TGFBR2: variants seen among roughly 807,000 people sequenced by gnomAD.
TGFBR2 encodes the protein TGF-beta receptor type-2.
Under a neutral mutation model 49.0 loss-of-function variants are expected in TGFBR2, and 18 were observed. That is an observed-to-expected ratio of 0.37 (90% CI 0.25 to 0.54). The LOEUF is 0.54. Among genes scored for constraint, TGFBR2 ranks in the 20% least tolerant of loss-of-function variants. The pLI, the probability that TGFBR2 is intolerant of heterozygous loss-of-function variation, is 0.85. For missense variants in TGFBR2, 525 were observed against 722.6 expected (o/e 0.73, Z 3.13); for synonymous variants, 282 against 275.9 (o/e 1.02, Z -0.22).
chr3:30,684,913 T>C (rs180874125), intron 5 of TGFBR2, among the ~76,000 whole-genome samples: 1 of 152,278 alleles, frequency 6.6e-6, no homozygotes, highest in East Asian at 1.9e-4. Context: ...ATCCACAGAG[T>C]ACCTATAAAA....
Position 30,672,284 on chromosome 3 carries a change from A to G in TGFBR2, c.1101A>G (p.Pro367=), listed in dbSNP as rs375165766. ...CTCACCTCCACAGTGATCACACTCCATGTGGGAGGCCCAAGATGCCCATCG... is the reference window on the plus strand; with the variant it reads ...CTCACCTCCACAGTGATCACACTCCGTGTGGGAGGCCCAAGATGCCCATCG... The part of the protein sequence containing the change: ...GIAHLHSDHT[P]CGRPKMPIVH... Residue 367 remains proline (P), a synonymous_variant, in exon 4 of 7, where the codon CCA becomes CCG. Transcript: ENST00000295754. The surrounding 1 kb of genome is among the most constrained non-coding windows in gnomAD (Gnocchi z 4.5). 6.2e-7 allele frequency: 1 copy of G among 1,605,612 alleles called. No homozygotes were observed. The highest frequency in any genetic ancestry group is 1.3e-5 in the African/African-American group (1 of 74,828).
chr3:30,678,701 C>T (rs769374836), intron 5 of TGFBR2, among the ~76,000 whole-genome samples: 1 of 152,150 alleles, frequency 6.6e-6, no homozygotes, highest in Admixed American at 6.5e-5. Flanking sequence ...TTGGATTTCT[C>T]GGGATGACTG....
At chr3:30,670,083 T>C (rs1575156789) in intron 3 of TGFBR2, among the ~76,000 whole-genome samples, 1 of 152,210 alleles carries the variant, frequency 6.6e-6, no homozygotes, top group South Asian at 2.1e-4. Flanking sequence ...CCTACCCATT[T>C]TTTTCCTTTC....
At position 30,650,251 on chromosome 3, in the gene TGFBR2, A is replaced by G; in HGVS notation, c.264-19A>G. 1.9e-6 allele frequency: 3 copies of G among 1,612,924 alleles called. No homozygotes were observed. The highest frequency in any genetic ancestry group is 1.7e-6 in the Non-Finnish European group (2 of 1,179,040). On this transcript the variant is annotated intron_variant, in intron 2 of 6. Transcript: ENST00000295754. ...CTCTCTCCCTCTCCCCTCGCTTCCAATGAATCTCTTCACTCTAGGAGAAAG... is the reference window on the plus strand; with the variant it reads ...CTCTCTCCCTCTCCCCTCGCTTCCAGTGAATCTCTTCACTCTAGGAGAAAG...
chr3:30,633,522 C>T (rs1429424816), intron 1 of TGFBR2, among the ~76,000 whole-genome samples: 1 of 152,096 alleles, frequency 6.6e-6, no homozygotes, highest in Non-Finnish European at 1.5e-5. Context: ...ATTGAATGTG[C>T]AGGTGAAATA....
In TGFBR2 at chr3:30,688,458, G is replaced by T. The variant is rs754176932; in HGVS notation, c.1471G>T (p.Val491Leu). The T allele has an allele frequency of 6.2e-7, 1 of 1,614,246 alleles. No individual in the cohort carries two copies. Among genetic ancestry groups the T allele is most frequent in the Non-Finnish European group, 8.5e-7 (1 of 1,180,030 alleles). Residue 491 changes from valine (V) to leucine (L), a missense_variant, in exon 6 of 7, where the codon GTG (valine) becomes TTG (leucine). By Grantham distance (32) the Val-to-Leu change is conservative. This residue lies in a region of TGFBR2 where 104 missense variants were observed against 133.4 expected (regional missense o/e 0.78). Coordinates refer to ENST00000295754, the MANE Select transcript of TGFBR2 (RefSeq NM_003242.6). ...CTGTGTCGAAAGCATGAAGGACAAC[G>T]TGTTGAGAGATCGAGGGCGACCAGA... ...HPCVESMKDNVLRDRGRPEIP... is the reference protein window; with the variant it reads ...HPCVESMKDNLLRDRGRPEIP...
intron 1 of TGFBR2, among the ~76,000 whole-genome samples, chr3:30,632,303 C>T (rs919413349): frequency 6.6e-6 from 1 of 152,176 alleles, no homozygotes; most frequent in East Asian, 1.9e-4. Context: ...TCAGCTCTCG[C>T]CTGATAAATG....
At chr3:30,649,493 A>G (rs148187075) in intron 2 of TGFBR2, among the ~76,000 whole-genome samples, 1 of 152,334 alleles carries the variant, frequency 6.6e-6, no homozygotes, top group African/African-American at 2.4e-5. Flanking sequence ...TTAGTCTTCA[A>G]ATATGTGCTA....
intron 3 of TGFBR2, among the ~76,000 whole-genome samples, chr3:30,664,415 T>G (rs1426378253): frequency 3.9e-5 from 6 of 152,212 alleles, no homozygotes; most frequent in Admixed American, 3.9e-4. Context: ...CTGTCACTCA[T>G]AGAGGCCAGA....
intron 1 of TGFBR2, among the ~76,000 whole-genome samples, chr3:30,613,759 G>T (rs1328663820): frequency 6.6e-6 from 1 of 152,190 alleles, no homozygotes; most frequent in African/African-American, 2.4e-5. Flanking sequence ...ACATTGAAAA[G>T]ATATATTTGT....
rs1469882554 is a variant in TGFBR2 at position 30,672,551 on chromosome 3, T to C, written c.1254+114T>C. The stretch of plus-strand genomic sequence containing the variant: ...CAGCCCTGTACTCTGGACACTGGTC[T>C]AGGGAATCTAGCCAAAGTATGGAGT... On this transcript the variant is annotated intron_variant, in intron 4 of 6. Coordinates refer to ENST00000295754, the MANE Select transcript of TGFBR2 (RefSeq NM_003242.6). The surrounding 1 kb of genome is among the most constrained non-coding windows in gnomAD (Gnocchi z 4.5). The C allele has an allele frequency of 3.4e-6, 4 of 1,190,060 alleles. No homozygotes were observed. The highest frequency in any genetic ancestry group is 5.0e-6 in the Non-Finnish European group (4 of 802,256). The allele number at this position is 1,190,060 out of a possible 1,614,324, so 73.7% of individuals were successfully genotyped here. A position where few individuals can be genotyped will look rare whatever the true frequency, so the allele number is the denominator to read the frequency against.
intron 1 of TGFBR2, among the ~76,000 whole-genome samples, chr3:30,615,605 A>T (rs906505405): frequency 3.9e-5 from 6 of 152,222 alleles, no homozygotes; most frequent in African/African-American, 1.4e-4. Context: ...GAGATGATCA[A>T]AGAGTGTGCA....
intron 6 of TGFBR2, 138 bp from the exon 7 acceptor site, chr3:30,691,282 C>A: frequency 1.1e-6 from 1 of 915,484 alleles, no homozygotes; most frequent in Non-Finnish European, 1.7e-6. Context: ...GCAGCAGGCA[C>A]TCAGTCAGCA....
chr3:30,641,030 C>T (rs1169301765), intron 1 of TGFBR2, among the ~76,000 whole-genome samples: 1 of 152,082 alleles, frequency 6.6e-6, no homozygotes, highest in African/African-American at 2.4e-5. Flanking sequence ...ATGCAATGTC[C>T]CATACAGCAA....
chr3:30,672,518 A>G lies in TGFBR2; in HGVS notation c.1254+81A>G. The G allele has an allele frequency of 6.9e-7, 1 of 1,445,478 alleles. No homozygotes were observed. Among genetic ancestry groups the G allele is most frequent in the East Asian group, 2.3e-5 (1 of 43,986 alleles). The allele number at this position is 1,445,478 out of a possible 1,614,324, so 89.5% of individuals were successfully genotyped here. A position where few individuals can be genotyped will look rare whatever the true frequency, so the allele number is the denominator to read the frequency against. On this transcript the variant is annotated intron_variant, in intron 4 of 6. Coordinates refer to ENST00000295754, the MANE Select transcript of TGFBR2 (RefSeq NM_003242.6). This position sits in a 1 kb window ranked among gnomAD's most constrained non-coding sequence, Gnocchi z 4.5. ...TCTTGATCCATATCTCCTGGCTCTT[A>G]TCTCAAACAGCCCTGTACTCTGGAC...
chr3:30,640,129 A>G (rs950475745), intron 1 of TGFBR2, among the ~76,000 whole-genome samples: 7 of 152,194 alleles, frequency 4.6e-5, no homozygotes, highest in Non-Finnish European at 8.8e-5. Flanking sequence ...GGAAGGTGGT[A>G]TGACCTAGAG....
intron 3 of TGFBR2, among the ~76,000 whole-genome samples, chr3:30,657,730 C>T (rs1699033542): frequency 6.6e-6 from 1 of 152,164 alleles, no homozygotes; most frequent in Admixed American, 6.5e-5. Context: ...GAGATTTGTA[C>T]CAACGTCATG....
intron 3 of TGFBR2, among the ~76,000 whole-genome samples, chr3:30,668,652 G>A (rs1251261171): frequency 6.6e-6 from 1 of 151,994 alleles, no homozygotes; most frequent in Admixed American, 6.6e-5. Context: ...ACTCTTGCCT[G>A]TTCTTTGTCC....
At chr3:30,630,994 TA>T (rs1473036203) in intron 1 of TGFBR2, among the ~76,000 whole-genome samples, 5 of 151,982 alleles carry the variant, frequency 3.3e-5, no homozygotes, top group Non-Finnish European at 5.9e-5. Flanking sequence ...CAGACTAAGT[TA>T]CCAACCTTAG....
Sources: allele counts gnomAD v4.1 joint callset (sites outside exome capture counted in the v4.1 genomes callset), GRCh38; gene constraint gnomAD v4.1.1; regional missense constraint gnomAD v4.1.1; non-coding constraint Gnocchi (gnomAD v3.1); transcripts MANE v1.5; gene names NCBI Gene and HGNC (gene_info 2026-07-23, HGNC 2026-07-21).